The following ABR variants were observed in gnomAD, a reference collection of about 807,000 sequenced individuals.
ABR encodes ABR activator of RhoGEF and GTPase.
Under a neutral mutation model 107.2 loss-of-function variants are expected in ABR, and 35 were observed. The ratio of observed to expected loss-of-function variants is 0.33; its 90% CI spans 0.25 to 0.43. The LOEUF is 0.43. Ranked by LOEUF, ABR falls within the 20% of genes least tolerant of loss-of-function variation. The pLI, the probability that ABR is intolerant of heterozygous loss-of-function variation, is 1.00. For missense variants in ABR, 815 were observed against 1,115.2 expected (o/e 0.73, Z 3.83); for synonymous variants, 498 against 462.0 (o/e 1.08, Z -1.00).
At chr17:1,195,551 T>C (rs979366866) in intron 1 of ABR, among the ~76,000 whole-genome samples, 25 of 151,966 alleles carry the variant, frequency 1.6e-4, no homozygotes, top group African/African-American at 6.0e-4. Context: ...ACGCCTGTCA[T>C]CCCAGCACTG....
intron 1 of ABR, among the ~76,000 whole-genome samples, chr17:1,163,280 C>T (rs1192307797): frequency 6.6e-6 from 1 of 152,226 alleles, no homozygotes; most frequent in Non-Finnish European, 1.5e-5. Flanking sequence ...GCATCAATCG[C>T]ATCGTGATTT....
chr17:1,142,647 T>C (rs2040334631), intron 1 of ABR, among the ~76,000 whole-genome samples: 1 of 151,434 alleles, frequency 6.6e-6, no homozygotes, highest in Admixed American at 6.6e-5. Flanking sequence ...GCGTGATCAA[T>C]TCAGCCAGCA....
At chr17:1,207,119 C>A (rs958141254) in intron 1 of ABR, among the ~76,000 whole-genome samples, 2 of 150,408 alleles carry the variant, frequency 1.3e-5, no homozygotes, top group Non-Finnish European at 2.9e-5. Context: ...CATTGTGGTT[C>A]GTGCCTATAG....
intron 5 of ABR, among the ~76,000 whole-genome samples, chr17:1,081,458 T>C (rs1010378569): frequency 3.3e-5 from 5 of 152,298 alleles, no homozygotes; most frequent in African/African-American, 7.2e-5. Flanking sequence ...ATCTGCTCCA[T>C]GGGTCTGGGA....
At chr17:1,057,567 G>T (rs767135093) in intron 12 of ABR, among the ~76,000 whole-genome samples, 9 of 150,964 alleles carry the variant, frequency 6.0e-5, no homozygotes, top group Non-Finnish European at 1.2e-4. Context: ...TAGTAGAGAC[G>T]GGGTTTCACC....
chr17:1,052,415 G>A (rs1219933767), intron 14 of ABR, among the ~76,000 whole-genome samples: 14 of 89,378 alleles, frequency 1.6e-4, no homozygotes, highest in East Asian at 3.2e-4. Flanking sequence ...GGAGGGTTCC[G>A]GAAGGGGCTG....
intron 10 of ABR, among the ~76,000 whole-genome samples, chr17:1,061,282 C>T (rs1412517495): frequency 6.6e-6 from 1 of 152,158 alleles, no homozygotes; most frequent in Non-Finnish European, 1.5e-5. Flanking sequence ...GGGTGGGAAA[C>T]AGGCACGCAG....
chr17:1,190,495 G>T (rs1029962918), upstream of ABR, among the ~76,000 whole-genome samples: 1 of 152,176 alleles, frequency 6.6e-6, no homozygotes, highest in African/African-American at 2.4e-5. Flanking sequence ...TTAGCCAGGC[G>T]TGGTGGTGGG....
At position 1,026,491 on chromosome 17, in the gene ABR, C is replaced by T. The variant is rs145819465; in HGVS notation, c.1792-13327G>A. ...CAGATTTCGGCTCAGGAGCTGGTTC[C>T]GCTGTCTTGAAGCGGGACTGGGGAA... On this transcript the variant is annotated intron_variant, in intron 16 of 22. Transcript: ENST00000302538. 6.2e-4 allele frequency among the ~76,000 whole-genome samples: 95 copies of T among 152,272 alleles called. No homozygotes were observed. In the East Asian group the frequency reaches 0.011, roughly 17 times the overall value.
intron 16 of ABR, among the ~76,000 whole-genome samples, chr17:1,041,644 A>T (rs140357626): frequency 6.6e-6 from 1 of 152,312 alleles, no homozygotes; most frequent in Non-Finnish European, 1.5e-5. Context: ...GAGACAGGAG[A>T]ATCACTTGAA....
At chr17:1,182,883 A>C (rs2042179361), upstream of ABR, among the ~76,000 whole-genome samples, 1 of 152,128 alleles carries the variant, frequency 6.6e-6, no homozygotes, top group African/African-American at 2.4e-5. Context: ...CCTTTGTTGG[A>C]TGGCTTCCAG....
chr17:1,208,293 A>G (rs1432121555), intron 1 of ABR, among the ~76,000 whole-genome samples: 11 of 152,128 alleles, frequency 7.2e-5, no homozygotes, highest in Admixed American at 5.9e-4. Context: ...CTGTGACCCG[A>G]AGGAACTAGG....
In ABR at chr17:1,050,479, C is replaced by G. The variant is rs967440766; in HGVS notation, c.1659+58G>C. On this transcript the variant is annotated intron_variant, in intron 15 of 22. Transcript: ENST00000302538. The surrounding 1 kb of genome is among the most constrained non-coding windows in gnomAD (Gnocchi z 4.6). The stretch of plus-strand genomic sequence containing the variant: ...CAATGGGCTGGCCGTCCCCAGCAGA[C>G]AAGCCACGAGCACGGGGTGGTGGGG... 2.7e-6 allele frequency: 4 copies of G among 1,497,580 alleles called. No individual in the cohort carries two copies. Among genetic ancestry groups the G allele is most frequent in the African/African-American group, 2.8e-5 (2 of 72,494 alleles). 92.8% of individuals were successfully genotyped at this position (1,497,580 alleles called of 1,614,324 possible).
intron 1 of ABR, among the ~76,000 whole-genome samples, chr17:1,228,633 G>T (rs1185905914): frequency 6.6e-6 from 1 of 152,166 alleles, no homozygotes; most frequent in Non-Finnish European, 1.5e-5. Flanking sequence ...TCCACAGGTG[G>T]CTTTGGGGTA....
chr17:1,152,026 G>T (rs1003134529), intron 1 of ABR, among the ~76,000 whole-genome samples: 5 of 149,802 alleles, frequency 3.3e-5, no homozygotes, highest in Non-Finnish European at 5.9e-5. Flanking sequence ...GTGGTGGTGA[G>T]CACCTGTAGT....
rs754072664 is a variant in ABR at position 1,091,773 on chromosome 17, G to A, written c.423C>T (p.Tyr141=). ...LTIQQIETIF[Y]KIQDIYEIHK... ...GGATCTCATAGATGTCCTGGATCTT[G>A]TAGAAGATGGTCTCGATCTGCTGGA... Residue 141 remains tyrosine (Y), a synonymous_variant, in exon 4 of 23, where the codon TAC becomes TAT. Coordinates refer to ENST00000302538, the MANE Select transcript of ABR (RefSeq NM_021962.5). 3 of 1,614,174 alleles carry A rather than the reference G, an allele frequency of 1.9e-6. No individual in the cohort carries two copies. The highest frequency in any genetic ancestry group is 2.5e-6 in the Non-Finnish European group (3 of 1,180,030).
chr17:1,084,416 C>T lies in ABR; in HGVS notation c.532-789G>A, dbSNP rs115715939. On this transcript the variant is annotated intron_variant, in intron 4 of 22. Transcript: ENST00000302538. This position sits in a 1 kb window ranked among gnomAD's most constrained non-coding sequence, Gnocchi z 4.2. ...ACAACAAATGAAGATGCTGTCTTTC[C>T]ATTTCCCTTGGCCTTGAGGCCCCGT... Among the ~76,000 whole-genome samples, 215 of 152,284 alleles carry T rather than the reference C, an allele frequency of 1.4e-3. 1 individual carries two copies. Among genetic ancestry groups the T allele is most frequent in the African/African-American group, 5.1e-3 (212 of 41,570 alleles).
chr17:1,118,142 G>A lies in ABR; in HGVS notation c.246+7041C>T, dbSNP rs1321925349. Reference sequence around the variant, plus strand: ...TCCCTGAGCCTGAGTTCCCCCCAGCGTTATCCCTGAGCCTGAGTTCCTCCC... The same window carrying A: ...TCCCTGAGCCTGAGTTCCCCCCAGCATTATCCCTGAGCCTGAGTTCCTCCC... On this transcript the variant is annotated intron_variant, in intron 2 of 22. Coordinates refer to ENST00000302538, the MANE Select transcript of ABR (RefSeq NM_021962.5). Among the ~76,000 whole-genome samples the A allele has an allele frequency of 9.9e-5, 2 of 20,212 alleles. 1 individual carries two copies. The highest frequency in any genetic ancestry group is 2.0e-3 in the East Asian group (2 of 976). 13.3% of individuals were successfully genotyped at this position (20,212 alleles called of 152,430 possible).
At chr17:1,104,362 A>G (rs549416901) in intron 2 of ABR, among the ~76,000 whole-genome samples, 3 of 152,310 alleles carry the variant, frequency 2.0e-5, no homozygotes, top group South Asian at 2.1e-4. Flanking sequence ...GAGGCTAAAT[A>G]AAGCCTCCAA....
Sources: allele counts gnomAD v4.1 joint callset (sites outside exome capture counted in the v4.1 genomes callset), GRCh38; gene constraint gnomAD v4.1.1; non-coding constraint Gnocchi (gnomAD v3.1); transcripts MANE v1.5; gene names NCBI Gene and HGNC (gene_info 2026-07-23, HGNC 2026-07-21).